CFLAR: variants seen among roughly 807,000 people sequenced by gnomAD.
CFLAR encodes CASP8 and FADD like apoptosis regulator, also known as CASP8 and FADD-like apoptosis regulator.
CFLAR carries 14 observed loss-of-function variants against 51.1 expected under a neutral mutation model. The observed-to-expected ratio is 0.27, with a 90% CI of 0.18 to 0.43. The LOEUF (loss-of-function observed/expected upper bound fraction) is 0.43, where lower values mean the gene tolerates loss of function less well. CFLAR is among the 20% of genes least tolerant of loss of function. CFLAR has a pLI of 1.00. For missense variants in CFLAR, 390 were observed against 566.5 expected, an observed-to-expected ratio of 0.69 and a Z score of 3.16; for synonymous variants, 210 against 211.6, an observed-to-expected ratio of 0.99 and a Z score of 0.06.
chr2:201,137,885 G>A, intron 4 of CFLAR: 1 of 792,556 alleles, frequency 1.3e-6, no homozygotes, highest in Non-Finnish European at 2.3e-6. Context: ...CCTCCATGGT[G>A]GCGGCCAGCA....
At position 201,149,498 on chromosome 2, in the gene CFLAR, C is replaced by T. The variant is rs1940883869; in HGVS notation, c.712-256C>T. ...TCTTTTTCAAATTATCTTTATTCCA[C>T]AAAGCCAATAAAGAGAGTGGGATTT... On this transcript the variant is annotated intron_variant, in intron 7 of 9. Transcript: ENST00000309955. 19 of 334,248 alleles carry T rather than the reference C, an allele frequency of 5.7e-5. No homozygotes were observed. The South Asian group carries it at 8.3e-4, about 15-fold the overall frequency. 20.7% of individuals were successfully genotyped at this position (334,248 alleles called of 1,614,324 possible).
At chr2:201,120,788 C>T (rs1399316831) in intron 1 of CFLAR, among the ~76,000 whole-genome samples, 2 of 152,076 alleles carry the variant, frequency 1.3e-5, no homozygotes, top group Non-Finnish European at 2.9e-5. Flanking sequence ...GCTTATATAT[C>T]TGTGTTTTTT....
intron 6 of CFLAR, 181 bp downstream of exon 6, chr2:201,145,613 C>T: frequency 3.5e-6 from 2 of 565,678 alleles, no homozygotes; most frequent in Non-Finnish European, 6.3e-6. Flanking sequence ...ATTGAATTAG[C>T]TTATCTAAGT....
rs2049614877 is a variant in CFLAR, at chr2:201,133,602, G to A, written c.387+468G>A. Among the ~76,000 whole-genome samples, 3 of 152,108 alleles carry A rather than the reference G, an allele frequency of 2.0e-5. No homozygotes were observed. In the South Asian group the frequency reaches 6.2e-4, roughly 31 times the overall value. ...GTGGGGGGAGGTTCTTGTGACTGGTGTATCTGGGAAATGGTAAAAGTAGAG... is the reference window on the plus strand; with the variant it reads ...GTGGGGGGAGGTTCTTGTGACTGGTATATCTGGGAAATGGTAAAAGTAGAG... On this transcript the variant is annotated intron_variant, in intron 3 of 9. Coordinates refer to ENST00000309955, the MANE Select transcript of CFLAR (RefSeq NM_003879.7).
chr2:201,163,720 T>G (rs1943280986), intron 9 of CFLAR, 115 bp from the exon 10 acceptor site: 1 of 1,492,296 alleles, frequency 6.7e-7, no homozygotes, highest in Non-Finnish European at 8.9e-7. Context: ...TGTGGTGCCT[T>G]CAGAAAGGAA....
Position 201,140,360 on chromosome 2 carries a change from A to G in CFLAR, c.527A>G (p.Gln176Arg). ...TACCTCCCTTCTGCTTTTATAGTTC[A>G]AGGAGCAGGGACAAGTTACAGGAAT... is the stretch of plus-strand genomic sequence containing the variant. The part of the protein sequence containing the change: ...TKIQKYKQSV[Q>R]GAGTSYRNVL... Residue 176 changes from glutamine (Q) to arginine (R), a missense_variant, in exon 5 of 10, where the codon CAA becomes CGA. Physicochemically the swap from Gln to Arg is conservative, Grantham distance 43. Transcript: ENST00000309955. The G allele has an allele frequency of 6.2e-7, 1 of 1,606,090 alleles. No homozygotes were observed. Among genetic ancestry groups the G allele is most frequent in the Non-Finnish European group, 8.5e-7 (1 of 1,176,536 alleles).
At chr2:201,162,451 A>G (rs1460209186) in intron 9 of CFLAR, 1 of 152,480 alleles carries the variant, frequency 6.6e-6, no homozygotes, top group African/African-American at 2.4e-5. Context: ...TAATTAAAAA[A>G]ATTTTAATAC....
intron 3 of CFLAR, among the ~76,000 whole-genome samples, chr2:201,135,113 C>G (rs2049930096): frequency 6.6e-6 from 1 of 152,166 alleles, no homozygotes; most frequent in South Asian, 2.1e-4. Flanking sequence ...CACTGTGGCC[C>G]AAGGTAAACG....
At chr2:201,134,340 C>T (rs894937799) in intron 3 of CFLAR, among the ~76,000 whole-genome samples, 1 of 148,742 alleles carries the variant, frequency 6.7e-6, no homozygotes, top group Non-Finnish European at 1.5e-5. Context: ...TCCAGTTGGC[C>T]TAGCACAATG....
At position 201,174,928 on chromosome 2, in the gene CFLAR, C is replaced by A. The variant is rs537232569; in HGVS notation, c.*10955C>A. ...AAAACCATGATGGTGACAGAAGAGA[C>A]CTCTGGTTACCTTTGCTGCCCATTC... On this transcript the variant is annotated 3_prime_UTR_variant, in exon 10 of 10. Coordinates refer to ENST00000309955, the MANE Select transcript of CFLAR (RefSeq NM_003879.7). 6.6e-6 allele frequency: 1 copy of A among 152,280 alleles called. No homozygotes were observed. Among genetic ancestry groups the A allele is most frequent in the African/African-American group, 2.4e-5 (1 of 41,552 alleles). The allele number at this position is 152,280 out of a possible 1,614,324, so 9.4% of individuals were successfully genotyped here. A position where few individuals can be genotyped will look rare whatever the true frequency, so the allele number is the denominator to read the frequency against.
rs1185289619 is a variant in CFLAR at position 201,169,315 on chromosome 2, A to G, written c.*5342A>G. The G allele has an allele frequency of 6.6e-6, 1 of 152,224 alleles. No individual in the cohort carries two copies. The highest frequency in any genetic ancestry group is 1.9e-4 in the East Asian group (1 of 5,200). 9.4% of individuals were successfully genotyped at this position (152,224 alleles called of 1,614,324 possible). On this transcript the variant is annotated 3_prime_UTR_variant, in exon 10 of 10. Transcript: ENST00000309955. ...ACCAGAGAAAGAAGACCACACATCT[A>G]CAGCCATCTGATCATCGACAAACCT...
chr2:201,164,772 A>G lies in CFLAR; in HGVS notation c.*799A>G, dbSNP rs1421740223. On this transcript the variant is annotated 3_prime_UTR_variant, in exon 10 of 10. Coordinates refer to ENST00000309955, the MANE Select transcript of CFLAR (RefSeq NM_003879.7). ...CATCACAGTCCATTTGGGCAACTAT[A>G]CCAAATTACCATAGACCAGGTGACT... The G allele has an allele frequency of 1.3e-5, 2 of 152,188 alleles. No individual in the cohort carries two copies. Among genetic ancestry groups the G allele is most frequent in the Non-Finnish European group, 2.9e-5 (2 of 68,024 alleles). 9.4% of individuals were successfully genotyped at this position (152,188 alleles called of 1,614,324 possible). A position where few individuals can be genotyped will look rare whatever the true frequency, so the allele number is the denominator to read the frequency against.
rs951579170 is a variant in CFLAR, at chr2:201,175,549, G to C, written c.*11576G>C. 2.0e-5 allele frequency: 3 copies of C among 152,306 alleles called. No homozygotes were observed. Among genetic ancestry groups the C allele is most frequent in the Non-Finnish European group, 2.9e-5 (2 of 68,180 alleles). The allele number at this position is 152,306 out of a possible 1,614,324, so 9.4% of individuals were successfully genotyped here. Reference sequence around the variant, plus strand: ...TGAGGTGGGAGGATCACTTGAGCCCGGGAGGTGGAGGTTTCAGTGAGCTGA... The same window carrying C: ...TGAGGTGGGAGGATCACTTGAGCCCCGGAGGTGGAGGTTTCAGTGAGCTGA... On this transcript the variant is annotated 3_prime_UTR_variant, in exon 10 of 10. Transcript: ENST00000309955.
Position 201,138,656 on chromosome 2 carries a change from C to G in CFLAR, c.524-1701C>G. The G allele has an allele frequency of 8.5e-7, 1 of 1,173,638 alleles. No homozygotes were observed. The allele number at this position is 1,173,638 out of a possible 1,614,324, so 72.7% of individuals were successfully genotyped here. A position where few individuals can be genotyped will look rare whatever the true frequency, so the allele number is the denominator to read the frequency against. On this transcript the variant is annotated intron_variant, in intron 4 of 9. Coordinates refer to ENST00000309955, the MANE Select transcript of CFLAR (RefSeq NM_003879.7). The surrounding 1 kb of genome is among the most constrained non-coding windows in gnomAD (Gnocchi z 4.0). ...GGATGCCAGAGAAGCCATGACGCAT[C>G]TTGGCCTCCAACACATCACCCACAG...
chr2:201,123,531 T>G (rs2048388134), intron 1 of CFLAR, among the ~76,000 whole-genome samples: 1 of 152,060 alleles, frequency 6.6e-6, no homozygotes, highest in Non-Finnish European at 1.5e-5. Context: ...TAAACTCCCT[T>G]TATCAGCCCC....
intron 8 of CFLAR, among the ~76,000 whole-genome samples, chr2:201,152,225 A>G: frequency 6.6e-6 from 1 of 151,934 alleles, no homozygotes; most frequent in East Asian, 1.9e-4. Flanking sequence ...GAACTTGCTG[A>G]CCTCAAGTGA....
intron 1 of CFLAR, among the ~76,000 whole-genome samples, chr2:201,120,626 C>G (rs937523079): frequency 1.4e-4 from 19 of 138,800 alleles, no homozygotes; most frequent in African/African-American, 5.7e-4. Flanking sequence ...GAAAAATCCT[C>G]TCATAGTTAC....
At chr2:201,151,990 T>C (rs1199960574) in intron 8 of CFLAR, among the ~76,000 whole-genome samples, 1 of 151,878 alleles carries the variant, frequency 6.6e-6, no homozygotes, top group African/African-American at 2.4e-5. Flanking sequence ...TTAATGTTTT[T>C]TTTTTTCTTT....
intron 8 of CFLAR, chr2:201,154,673 C>A (rs1440691085): frequency 6.6e-6 from 1 of 152,236 alleles, no homozygotes; most frequent in Non-Finnish European, 1.5e-5. Context: ...AAAGCCATTC[C>A]TTTTTATCTT....
Sources: allele counts gnomAD v4.1 joint callset (sites outside exome capture counted in the v4.1 genomes callset), GRCh38; gene constraint gnomAD v4.1.1; non-coding constraint Gnocchi (gnomAD v3.1); transcripts MANE v1.5; gene names NCBI Gene and HGNC (gene_info 2026-07-23, HGNC 2026-07-21).